HIVEP1: variants seen among roughly 807,000 people sequenced by gnomAD.
HIVEP1 encodes the protein zinc finger protein 40.
HIVEP1 carries 36 observed loss-of-function variants against 180.0 expected under a neutral mutation model. That is an observed-to-expected ratio of 0.20 (90% CI 0.15 to 0.26). The LOEUF (loss-of-function observed/expected upper bound fraction) is 0.26, where lower values mean the gene tolerates loss of function less well. Among genes scored for constraint, HIVEP1 ranks in the 10% least tolerant of loss-of-function variants. The pLI, the probability that HIVEP1 is intolerant of heterozygous loss-of-function variation, is 1.00. For synonymous variants in HIVEP1, 1,239 were observed against 1,239.0 expected (o/e 1.00, Z 0.00); for missense variants, 3,143 against 3,268.7 (o/e 0.96, Z 0.94).
intron 3 of HIVEP1, among the ~76,000 whole-genome samples, chr6:12,115,110 C>G (rs1399096270): frequency 6.6e-6 from 1 of 152,136 alleles, no homozygotes; most frequent in Non-Finnish European, 1.5e-5. Flanking sequence ...TAAGAATATG[C>G]TTTACCACAC....
chr6:12,100,988 A>G (rs1299624025), intron 3 of HIVEP1, among the ~76,000 whole-genome samples: 1 of 152,196 alleles, frequency 6.6e-6, no homozygotes, highest in Non-Finnish European at 1.5e-5. Context: ...TTTTCTCATC[A>G]GTGTCAGTTA....
rs376740466 is a variant in HIVEP1, at chr6:12,124,613, T to A, written c.4818T>A (p.Ile1606=). Reference sequence around the variant, plus strand: ...CAGCAACATTACCAACCAAATTAATTGACAGCATGTCTAATTCGCATCCTC... The same window carrying A: ...CAGCAACATTACCAACCAAATTAATAGACAGCATGTCTAATTCGCATCCTC... ...VTSATLPTKL[I]DSMSNSHPLL... The change falls in exon 4 of 9, where the codon ATT becomes ATA. Residue 1606 remains isoleucine (I), a synonymous_variant. Transcript: ENST00000379388. 2.5e-6 allele frequency: 4 copies of A among 1,614,182 alleles called. No individual in the cohort carries two copies. The African/African-American group carries it at 5.3e-5, about 22-fold the overall frequency.
upstream of HIVEP1, among the ~76,000 whole-genome samples, chr6:12,009,254 A>G (rs1422044383): frequency 6.6e-6 from 1 of 150,392 alleles, no homozygotes; most frequent in Non-Finnish European, 1.5e-5. Flanking sequence ...CCGTGGACGC[A>G]GCGGCGGGGG....
At chr6:12,126,252 T>C (rs1758063529) in intron 4 of HIVEP1, among the ~76,000 whole-genome samples, 1 of 152,222 alleles carries the variant, frequency 6.6e-6, no homozygotes, top group South Asian at 2.1e-4. Flanking sequence ...TTCCTCCTCA[T>C]GCAGGGAAAC....
chr6:12,040,491 CTGTTT>C (rs1490881881), intron 2 of HIVEP1, among the ~76,000 whole-genome samples: 3 of 152,038 alleles, frequency 2.0e-5, no homozygotes, highest in Admixed American at 6.6e-5. Context: ...GGCTGTACTA[CTGTTT>C]TGTTTTTTGT....
intron 3 of HIVEP1, among the ~76,000 whole-genome samples, chr6:12,103,026 T>A (rs1056462519): frequency 1.3e-5 from 2 of 151,924 alleles, no homozygotes; most frequent in African/African-American, 4.8e-5. Context: ...TGTTTATGAG[T>A]TTTTTTATGA....
the HIVEP1 span, among the ~76,000 whole-genome samples, chr6:12,191,824 G>A: frequency 2.0e-4 from 31 of 152,076 alleles, no homozygotes; most frequent in Admixed American, 2.0e-3. Flanking sequence ...TGCTCACTAC[G>A]AAAACACAAT....
chr6:12,087,681 A>G (rs1773196819), intron 2 of HIVEP1, among the ~76,000 whole-genome samples: 1 of 151,992 alleles, frequency 6.6e-6, no homozygotes, highest in Admixed American at 6.6e-5. Context: ...AGCATTCCAT[A>G]TTTTTCTGTC....
intron 2 of HIVEP1, among the ~76,000 whole-genome samples, chr6:12,062,536 G>A (rs941789093): frequency 1.3e-5 from 2 of 151,956 alleles, no homozygotes; most frequent in East Asian, 1.9e-4. Flanking sequence ...TCAATTGCTC[G>A]TGCAAGTCAA....
Position 12,159,834 on chromosome 6 carries a change from A to G in HIVEP1, c.6488-1605A>G, listed in dbSNP as rs529791418. On this transcript the variant is annotated intron_variant, in intron 7 of 8. Transcript: ENST00000379388. ...TTCATCTTAGAGTTTTTTAATTATA[A>G]AAGTAGCACACGTTTGTGATAAATA... 4.6e-5 allele frequency among the ~76,000 whole-genome samples: 7 copies of G among 152,330 alleles called. No individual in the cohort carries two copies. In the South Asian group the frequency reaches 1.2e-3, roughly 27 times the overall value.
At chr6:12,126,380 G>A (rs895235595) in intron 4 of HIVEP1, among the ~76,000 whole-genome samples, 7 of 152,200 alleles carry the variant, frequency 4.6e-5, no homozygotes, top group African/African-American at 1.7e-4. Context: ...CTGTCTTCCA[G>A]TGTAGCTGTG....
chr6:12,068,915 C>G (rs374844507), intron 2 of HIVEP1, among the ~76,000 whole-genome samples: 3 of 152,306 alleles, frequency 2.0e-5, no homozygotes, highest in Non-Finnish European at 4.4e-5. Flanking sequence ...TGCCTCTGCT[C>G]TTTATCCTTA....
At chr6:12,094,979 T>G (rs748005862) in intron 3 of HIVEP1, among the ~76,000 whole-genome samples, 1 of 152,002 alleles carries the variant, frequency 6.6e-6, no homozygotes, top group Non-Finnish European at 1.5e-5. Flanking sequence ...TATTTTCTCT[T>G]CAGTTTTAGG....
At chr6:12,085,039 G>T (rs1773030478) in intron 2 of HIVEP1, among the ~76,000 whole-genome samples, 2 of 152,130 alleles carry the variant, frequency 1.3e-5, no homozygotes, top group South Asian at 4.1e-4. Context: ...TTGTGTGTAG[G>T]TGCTTTTTTC....
chr6:12,042,530 T>C (rs1769843328), intron 2 of HIVEP1, among the ~76,000 whole-genome samples: 1 of 151,554 alleles, frequency 6.6e-6, no homozygotes. Flanking sequence ...CTTTTATTTT[T>C]ATAATATATA....
At chr6:12,115,350 C>CTTTTTTT (rs34074662) in intron 3 of HIVEP1, among the ~76,000 whole-genome samples, 778 of 75,274 alleles carry the variant, frequency 0.01, 68 homozygotes, top group African/African-American at 0.023. Flanking sequence ...CCCAACTATT[C>CTTTTTTT]TTTTTTTTTT....
downstream of HIVEP1, among the ~76,000 whole-genome samples, chr6:12,168,197 T>TATCTATATTATATATAG (rs1444526997): frequency 3.2e-4 from 31 of 96,468 alleles, no homozygotes; most frequent in African/African-American, 9.2e-4. Context: ...TATACGTGTA[T>TATCTATATTATATATAG]ATATACATAT....
chr6:12,062,132 G>A (rs1005910407), intron 2 of HIVEP1, among the ~76,000 whole-genome samples: 1 of 152,140 alleles, frequency 6.6e-6, no homozygotes, highest in African/African-American at 2.4e-5. Flanking sequence ...AAAGTATAGT[G>A]TTAGGTAAAA....
chr6:12,167,648 T>C (rs992396759), downstream of HIVEP1, among the ~76,000 whole-genome samples: 2 of 88,504 alleles, frequency 2.3e-5, no homozygotes, highest in East Asian at 3.1e-4. Flanking sequence ...TACATATACA[T>C]ATATATGTTA....
Sources: gnomAD v4.1 joint callset for allele counts (sites outside exome capture counted in the v4.1 genomes callset) on GRCh38, gnomAD v4.1.1 for gene constraint, MANE v1.5 for transcripts, NCBI Gene and HGNC (gene_info 2026-07-23, HGNC 2026-07-21) for gene names.